CTNND2: variants seen among roughly 807,000 people sequenced by gnomAD.
CTNND2 encodes the protein catenin delta-2.
Under a neutral mutation model 144.4 loss-of-function variants are expected in CTNND2, and 22 were observed. That is an observed-to-expected ratio of 0.15 (90% CI 0.11 to 0.22). The LOEUF (loss-of-function observed/expected upper bound fraction) is 0.22, where lower values mean the gene tolerates loss of function less well. Among genes scored for constraint, CTNND2 ranks in the 10% least tolerant of loss-of-function variants. The pLI, the probability that CTNND2 is intolerant of heterozygous loss-of-function variation, is 1.00. For synonymous variants in CTNND2, 751 were observed against 695.6 expected (o/e 1.08, Z -1.25); for missense variants, 1,353 against 1,618.8 (o/e 0.84, Z 2.82).
chr5:11,167,560 A>C (rs564306221), intron 11 of CTNND2, among the ~76,000 whole-genome samples: 1 of 152,312 alleles, frequency 6.6e-6, no homozygotes, highest in East Asian at 1.9e-4. Flanking sequence ...ATCAATACTA[A>C]GGTACTGTCT....
chr5:11,376,322 G>GTGTGTGTGTGTTCATGTATC (rs1723735096), intron 7 of CTNND2, among the ~76,000 whole-genome samples: 1 of 146,080 alleles, frequency 6.8e-6, no homozygotes, highest in South Asian at 2.1e-4. Context: ...TTGTGTGTGT[G>GTGTGTGTGTGTTCATGTATC]TGTGTGTGTG....
intron 11 of CTNND2, among the ~76,000 whole-genome samples, chr5:11,175,641 A>AT (rs5865927): frequency 0.83 from 125,025 of 149,844 alleles, 52,043 homozygotes; most frequent in East Asian, 0.91. Context: ...TTATTTATTT[A>AT]TTTTTTTTGC....
chr5:11,389,934 A>G (rs1401589777), intron 6 of CTNND2, among the ~76,000 whole-genome samples: 1 of 152,244 alleles, frequency 6.6e-6, no homozygotes, highest in Non-Finnish European at 1.5e-5. Flanking sequence ...TTATGTATGA[A>G]ATACAAATGA....
chr5:11,069,975 C>T (rs75740997), intron 16 of CTNND2, among the ~76,000 whole-genome samples: 6,724 of 152,170 alleles, frequency 0.044, 200 homozygotes, highest in Middle Eastern at 0.068. Flanking sequence ...TTAGCAACCC[C>T]GTAGATGAAA....
chr5:11,490,550 T>C (rs962326196), intron 3 of CTNND2, among the ~76,000 whole-genome samples: 23 of 152,146 alleles, frequency 1.5e-4, no homozygotes, highest in African/African-American at 5.1e-4. Flanking sequence ...TTGAATTTTA[T>C]ATTCAAATTA....
At chr5:11,782,886 G>C (rs891406022) in intron 1 of CTNND2, among the ~76,000 whole-genome samples, 1 of 152,164 alleles carries the variant, frequency 6.6e-6, no homozygotes, top group African/African-American at 2.4e-5. Context: ...CATGTTCACT[G>C]CTCAAGTTAG....
intron 10 of CTNND2, among the ~76,000 whole-genome samples, chr5:11,209,876 C>T (rs535710575): frequency 3.4e-4 from 52 of 152,150 alleles, no homozygotes; most frequent in East Asian, 1.9e-4. Flanking sequence ...GAGCCGAGAT[C>T]GCACCACTGC....
At chr5:11,650,193 G>C (rs746430696) in intron 2 of CTNND2, among the ~76,000 whole-genome samples, 35 of 152,042 alleles carry the variant, frequency 2.3e-4, no homozygotes, top group Non-Finnish European at 4.9e-4. Flanking sequence ...CATGAGATCT[G>C]GTTGTTTAAA....
At chr5:11,186,244 CA>C (rs1735613802) in intron 11 of CTNND2, among the ~76,000 whole-genome samples, 1 of 152,324 alleles carries the variant, frequency 6.6e-6, no homozygotes, top group Non-Finnish European at 1.5e-5. Flanking sequence ...ATCATGCTCA[CA>C]AAACACTCTC....
intron 1 of CTNND2, among the ~76,000 whole-genome samples, chr5:11,823,976 C>T (rs761792629): frequency 2.7e-5 from 4 of 150,112 alleles, no homozygotes; most frequent in Admixed American, 6.7e-5. Context: ...GGCATGGTGG[C>T]GGGATGCCTG....
At chr5:11,714,310 T>A (rs1786218130) in intron 2 of CTNND2, among the ~76,000 whole-genome samples, 1 of 151,932 alleles carries the variant, frequency 6.6e-6, no homozygotes, top group South Asian at 2.1e-4. Flanking sequence ...TAATGACAAT[T>A]TTTTTTTATG....
chr5:11,003,460 C>T (rs1671700711), intron 18 of CTNND2, among the ~76,000 whole-genome samples: 1 of 152,072 alleles, frequency 6.6e-6, no homozygotes, highest in Non-Finnish European at 1.5e-5. Flanking sequence ...GTGGAAGAAA[C>T]CTATTAATGT....
At chr5:11,082,935 C>T (rs1749745785) in intron 15 of CTNND2, 89 bp from the exon 16 acceptor site, 2 of 1,452,402 alleles carry the variant, frequency 1.4e-6, no homozygotes, top group Non-Finnish European at 1.9e-6. Flanking sequence ...CGGCTGCTTA[C>T]AGGAGCCAAA....
At chr5:11,619,527 T>A (rs1298923696) in intron 2 of CTNND2, among the ~76,000 whole-genome samples, 2 of 152,194 alleles carry the variant, frequency 1.3e-5, no homozygotes, top group African/African-American at 4.8e-5. Context: ...GGGTTACTCA[T>A]TAATTAGTCT....
chr5:11,186,300 T>A (rs1466805952), intron 11 of CTNND2, among the ~76,000 whole-genome samples: 1 of 152,152 alleles, frequency 6.6e-6, no homozygotes, highest in Admixed American at 6.5e-5. Flanking sequence ...CAAGGTTTCA[T>A]AGGGAAGTAA....
At chr5:11,054,343 C>G (rs1561231767) in intron 16 of CTNND2, among the ~76,000 whole-genome samples, 1 of 152,166 alleles carries the variant, frequency 6.6e-6, no homozygotes, top group Non-Finnish European at 1.5e-5. Context: ...CACAAAGGCA[C>G]AGAGACAGAA....
chr5:11,312,639 C>T (rs1362870037), intron 9 of CTNND2, among the ~76,000 whole-genome samples: 4 of 151,802 alleles, frequency 2.6e-5, no homozygotes, highest in Non-Finnish European at 5.9e-5. Context: ...CACAGCCAAA[C>T]CATATCACTC....
At chr5:10,989,089 A>G (rs912267037) in intron 19 of CTNND2, among the ~76,000 whole-genome samples, 4 of 152,244 alleles carry the variant, frequency 2.6e-5, no homozygotes, top group Non-Finnish European at 4.4e-5. Flanking sequence ...AGCTGAACTC[A>G]GAGGCAAGGA....
At chr5:11,168,693 C>T (rs1230970648) in intron 11 of CTNND2, among the ~76,000 whole-genome samples, 1 of 152,126 alleles carries the variant, frequency 6.6e-6, no homozygotes. Context: ...TCATATTCTT[C>T]TATGTGTAAA....
Sources: gnomAD v4.1 joint callset for allele counts (sites outside exome capture counted in the v4.1 genomes callset) on GRCh38, gnomAD v4.1.1 for gene constraint, MANE v1.5 for transcripts, NCBI Gene and HGNC (gene_info 2026-07-23, HGNC 2026-07-21) for gene names.